SDK1: variants seen among roughly 807,000 people sequenced by gnomAD.
SDK1 encodes protein sidekick-1.
Under a neutral mutation model 245.5 loss-of-function variants are expected in SDK1, and 157 were observed. The ratio of observed to expected loss-of-function variants is 0.64; its 90% CI spans 0.56 to 0.73. The LOEUF (loss-of-function observed/expected upper bound fraction) is 0.73, where lower values mean the gene tolerates loss of function less well. Ranked by LOEUF, SDK1 falls within the 30% of genes least tolerant of loss-of-function variation. The pLI is 0.00. For synonymous variants in SDK1, 1,647 were observed against 1,278.5 expected, an observed-to-expected ratio of 1.29 and a Z score of -6.15; for missense variants, 3,583 against 3,002.3, an observed-to-expected ratio of 1.19 and a Z score of -4.52.
chr7:3,918,441 A>G (rs1231187677), intron 5 of SDK1, among the ~76,000 whole-genome samples: 4 of 152,176 alleles, frequency 2.6e-5, no homozygotes, highest in Non-Finnish European at 5.9e-5. Context: ...CATCTAGGTT[A>G]CACACGCCTT....
chr7:4,181,507 C>T (rs114842708), intron 35 of SDK1, among the ~76,000 whole-genome samples: 296 of 152,282 alleles, frequency 1.9e-3, no homozygotes, highest in African/African-American at 6.8e-3. Context: ...GTTAGCATCA[C>T]GGTGTGATGT....
intron 9 of SDK1, among the ~76,000 whole-genome samples, chr7:3,966,681 CTT>C (rs951618331): frequency 3.2e-4 from 47 of 148,568 alleles, no homozygotes; most frequent in African/African-American, 1.2e-3. Context: ...CAATAATTAG[CTT>C]TTTTTTTTGT....
intron 1 of SDK1, among the ~76,000 whole-genome samples, chr7:3,537,391 C>T (rs1294546207): frequency 6.6e-6 from 1 of 152,174 alleles, no homozygotes; most frequent in Non-Finnish European, 1.5e-5. Context: ...CCATGTGCCC[C>T]TGAGCTCTTT....
chr7:4,135,299 G>A (rs1428815864), intron 28 of SDK1, among the ~76,000 whole-genome samples: 2 of 152,306 alleles, frequency 1.3e-5, no homozygotes, highest in African/African-American at 4.8e-5. Flanking sequence ...CTACACCCTT[G>A]CCAGGAGCGG....
intron 4 of SDK1, among the ~76,000 whole-genome samples, chr7:3,685,777 C>T (rs989435922): frequency 6.6e-6 from 1 of 151,918 alleles, no homozygotes; most frequent in Non-Finnish European, 1.5e-5. Context: ...AAATGAGATA[C>T]AGAAAAACGT....
intron 4 of SDK1, among the ~76,000 whole-genome samples, chr7:3,811,833 G>A (rs1779392190): frequency 6.6e-6 from 1 of 152,228 alleles, no homozygotes; most frequent in African/African-American, 2.4e-5. Context: ...TTAATACCTT[G>A]TAGGCTAGAG....
At chr7:4,037,463 C>CA (rs1394620060) in intron 17 of SDK1, among the ~76,000 whole-genome samples, 1 of 151,930 alleles carries the variant, frequency 6.6e-6, no homozygotes, top group African/African-American at 2.4e-5. Context: ...ACAAAAAATG[C>CA]AAAAAATTAG....
chr7:3,977,946 G>C (rs1783093452), intron 13 of SDK1, among the ~76,000 whole-genome samples: 1 of 152,174 alleles, frequency 6.6e-6, no homozygotes, highest in Admixed American at 6.5e-5. Context: ...GTACCTTGAT[G>C]CTCACATGCC....
At chr7:3,811,114 G>A (rs910506502) in intron 4 of SDK1, among the ~76,000 whole-genome samples, 13 of 152,114 alleles carry the variant, frequency 8.5e-5, no homozygotes, top group East Asian at 3.9e-4. Flanking sequence ...CAGACTTAGC[G>A]TACATGGAAT....
rs1299159374 is a variant in SDK1, at chr7:3,357,326, GTGTTTTTTTTTTTTT to G, written c.298+55444_298+55458del. ...TTTTACTCTTGCTCCCCTTCTTTTAGTGTTTTTTTTTTTTTTTTTTTTTTTTTTTTTTTTTTTTTT... is the reference window on the plus strand; with the variant it reads ...TTTTACTCTTGCTCCCCTTCTTTTAGTTTTTTTTTTTTTTTTTTTTTTTTT... On this transcript the variant is annotated intron_variant, in intron 1 of 44. Transcript: ENST00000404826. Among the ~76,000 whole-genome samples the G allele has an allele frequency of 3.2e-3, 159 of 50,054 alleles. 7 individuals carry two copies. Among genetic ancestry groups the G allele is most frequent in the African/African-American group, 8.5e-3 (133 of 15,560 alleles). 32.8% of individuals were successfully genotyped at this position (50,054 alleles called of 152,430 possible). A position where few individuals can be genotyped will look rare whatever the true frequency, so the allele number is the denominator to read the frequency against.
At chr7:3,796,425 C>T (rs1356194735) in intron 4 of SDK1, among the ~76,000 whole-genome samples, 1 of 152,158 alleles carries the variant, frequency 6.6e-6, no homozygotes, top group Non-Finnish European at 1.5e-5. Context: ...CTGTTGCTTC[C>T]CTTTGCTGGA....
At chr7:3,420,747 T>G (rs964278629) in intron 1 of SDK1, among the ~76,000 whole-genome samples, 3 of 152,178 alleles carry the variant, frequency 2.0e-5, no homozygotes, top group African/African-American at 4.8e-5. Context: ...CTCAAGAACA[T>G]TTTTTAAAAT....
rs1583249134 is a variant in SDK1 at position 3,631,894 on chromosome 7, A to G, written c.459-7110A>G. 4.6e-5 allele frequency among the ~76,000 whole-genome samples: 7 copies of G among 152,122 alleles called. No individual in the cohort carries two copies. In the East Asian group the frequency reaches 7.7e-4, roughly 17 times the overall value. On this transcript the variant is annotated intron_variant, in intron 2 of 44. Coordinates refer to ENST00000404826, the MANE Select transcript of SDK1 (RefSeq NM_152744.4). The stretch of plus-strand genomic sequence containing the variant: ...ACAAGTGGGAGCTTTTAAAATTTAT[A>G]TTTTTAATTTGCTTATGCTTATAAT...
chr7:3,602,957 T>C (rs1781296413), intron 1 of SDK1, among the ~76,000 whole-genome samples: 1 of 152,198 alleles, frequency 6.6e-6, no homozygotes, highest in Admixed American at 6.5e-5. Context: ...TTGCTTGTTT[T>C]TCTCAGGTTT....
intron 4 of SDK1, among the ~76,000 whole-genome samples, chr7:3,664,645 C>T (rs1380775874): frequency 6.6e-6 from 1 of 151,034 alleles, no homozygotes. Context: ...AAGGCTGAGG[C>T]ACAAGAATCG....
At chr7:3,371,119 AAG>A (rs1781216896) in intron 1 of SDK1, among the ~76,000 whole-genome samples, 1 of 152,190 alleles carries the variant, frequency 6.6e-6, no homozygotes, top group African/African-American at 2.4e-5. Flanking sequence ...TCAGAGCAGG[AAG>A]AGTTATCCTG....
chr7:3,589,360 T>C (rs73673631), intron 1 of SDK1, among the ~76,000 whole-genome samples: 1,616 of 152,328 alleles, frequency 0.011, 23 homozygotes, highest in African/African-American at 0.03. Context: ...CAGTACTTAT[T>C]TCACAGGTGG....
intron 4 of SDK1, among the ~76,000 whole-genome samples, chr7:3,736,716 A>T (rs1051191621): frequency 6.6e-6 from 1 of 152,186 alleles, no homozygotes; most frequent in Non-Finnish European, 1.5e-5. Flanking sequence ...TGATATACAT[A>T]TGTATTGGGA....
At chr7:3,920,611 C>G (rs957497069) in intron 5 of SDK1, among the ~76,000 whole-genome samples, 1 of 152,112 alleles carries the variant, frequency 6.6e-6, no homozygotes, top group Non-Finnish European at 1.5e-5. Flanking sequence ...TGCATTCTAG[C>G]TGCCAAGATG....
Sources: gnomAD v4.1 joint callset for allele counts (sites outside exome capture counted in the v4.1 genomes callset) on GRCh38, gnomAD v4.1.1 for gene constraint, MANE v1.5 for transcripts, NCBI Gene and HGNC (gene_info 2026-07-23, HGNC 2026-07-21) for gene names.